SRSF1: variants seen among roughly 807,000 people sequenced by gnomAD.
The protein encoded by SRSF1 is serine and arginine rich splicing factor 1.
A neutral mutation model predicts 25.9 loss-of-function variants in SRSF1; 1 was observed. That is an observed-to-expected ratio of 0.04 (90% confidence interval 0.01 to 0.18). The LOEUF (loss-of-function observed/expected upper bound fraction) is 0.18. SRSF1 is among the 10% of genes least tolerant of loss of function. The pLI is 1.00. For synonymous variants in SRSF1, 132 were observed against 126.2 expected (o/e 1.05, Z -0.31); for missense variants, 65 against 350.5 (o/e 0.19, Z 6.50).
chr17:58,006,209 T>G lies in SRSF1; in HGVS notation c.379+134A>C, dbSNP rs553556972. On this transcript the variant is annotated intron_variant, in intron 2 of 3. Coordinates refer to ENST00000258962, the MANE Select transcript of SRSF1 (RefSeq NM_006924.5). ...TCACCACAGCAGCAATCCTCGTTTA[T>G]TAAATTCACCCAAAAACTAAAGCAA... 17 of 1,207,902 alleles carry G rather than the reference T, an allele frequency of 1.4e-5. No individual in the cohort carries two copies. In the South Asian group the frequency reaches 2.5e-4, roughly 18 times the overall value. The allele number at this position is 1,207,902 out of a possible 1,614,324, so 74.8% of individuals were successfully genotyped here. A position where few individuals can be genotyped will look rare whatever the true frequency, so the allele number is the denominator to read the frequency against.
rs751321031 is a variant in SRSF1, at chr17:58,006,330, C to A, written c.379+13G>T. The A allele has an allele frequency of 1.2e-6, 2 of 1,606,228 alleles. No individual in the cohort carries two copies. Among genetic ancestry groups the A allele is most frequent in the Admixed American group, 1.7e-5 (1 of 59,102 alleles). On this transcript the variant is annotated intron_variant, in intron 2 of 3. Coordinates refer to ENST00000258962, the MANE Select transcript of SRSF1 (RefSeq NM_006924.5). ...CGTCCCTTCACATCAATCCACACAA[C>A]CAGTACACTCACCAGAGACAACCAC...
At chr17:57,995,413 AATAGTAGGGGTCAAAAG>A in the SRSF1 span, among the ~76,000 whole-genome samples, 4 of 152,180 alleles carry the variant, frequency 2.6e-5, no homozygotes, top group Non-Finnish European at 5.9e-5. Flanking sequence ...GGCCAGCCTC[AATAGTAGGGGTCAAAAG>A]AGGGCCAGGG....
chr17:57,990,947 T>A, the SRSF1 span: 2 of 152,226 alleles, frequency 1.3e-5, no homozygotes, highest in African/African-American at 2.4e-5. Flanking sequence ...AATGGTCACC[T>A]GTGGATTTAA....
At position 58,001,932 on chromosome 17, in the gene SRSF1, G is replaced by C. The variant is rs1209621963; in HGVS notation, c.*3474C>G. 1.3e-5 allele frequency among the ~76,000 whole-genome samples: 2 copies of C among 152,142 alleles called. No homozygotes were observed. The highest frequency in any genetic ancestry group is 4.8e-5 in the African/African-American group (2 of 41,422). On this transcript the variant is annotated 3_prime_UTR_variant, in exon 4 of 4. Coordinates refer to ENST00000258962, the MANE Select transcript of SRSF1 (RefSeq NM_006924.5). ...GTTAGAATTACTATAACTTTTAGTA[G>C]AGCACATCTTTCAACTTTAAACACT...
At chr17:58,006,847 G>A (rs1296417504) in intron 1 of SRSF1, 97 bp downstream of exon 1, 17 of 1,432,008 alleles carry the variant, frequency 1.2e-5, no homozygotes, top group East Asian at 2.3e-5. Context: ...ACCTCTCTAA[G>A]AGCCCCCGCT....
rs1369189825 is a variant in SRSF1 at position 58,006,389 on chromosome 17, G to A, written c.333C>T (p.Arg111=). 6.2e-7 allele frequency: 1 copy of A among 1,612,996 alleles called. No homozygotes were observed. The highest frequency in any genetic ancestry group is 8.5e-7 in the Non-Finnish European group (1 of 1,179,984). ...GGGGGGAPRG[R]YGPPSRRSEN... is the part of the protein sequence containing the mutation. ...CAGACCGCCTGGATGGGGGGCCATA[G>A]CGACCTCGGGGAGCTCCGCCACCTC... The change falls in exon 2 of 4, where the codon CGC becomes CGT. Residue 111 remains arginine (R), a synonymous_variant. Transcript: ENST00000258962.
In SRSF1 at chr17:58,005,605, T is replaced by C. The variant is rs777396915; in HGVS notation, c.553-5A>G. On this transcript the variant is annotated splice_region_variant and splice_polypyrimidine_tract_variant and intron_variant, in intron 3 of 3. Coordinates refer to ENST00000258962, the MANE Select transcript of SRSF1 (RefSeq NM_006924.5). The surrounding 1 kb of genome is among the most constrained non-coding windows in gnomAD (Gnocchi z 5.2). ...CCGGATGTAGGCAGTTTCTCCCTAT[T>C]GGATAGACAGAACTTTCCATTGAAA... 3 of 1,613,884 alleles carry C rather than the reference T, an allele frequency of 1.9e-6. No homozygotes were observed. The Admixed American group carries it at 5.0e-5, about 27-fold the overall frequency.
chr17:57,993,670 G>A, the SRSF1 span: 1 of 152,226 alleles, frequency 6.6e-6, no homozygotes, highest in African/African-American at 2.4e-5. Context: ...GATAGATTTT[G>A]ACCTGATGAA....
intron 1 of SRSF1, 102 bp from the exon 2 acceptor site, chr17:58,006,629 A>T: frequency 7.4e-7 from 1 of 1,355,166 alleles, no homozygotes; most frequent in East Asian, 2.5e-5. Flanking sequence ...CCAACGTGGA[A>T]GAGCCCACAT....
chr17:58,006,982 C>T lies in SRSF1; in HGVS notation c.156G>A (p.Gly52=). The T allele has an allele frequency of 1.9e-6, 3 of 1,614,274 alleles. No individual in the cohort carries two copies. The highest frequency in any genetic ancestry group is 2.5e-6 in the Non-Finnish European group (3 of 1,180,056). ...IRDIDLKNRR[G]GPPFAFVEFE... Reference sequence around the variant, plus strand: ...ACTCAACGAAGGCGAAGGGCGGTCCCCCGCGGCGATTCTTGAGGTCGATGT... The same window carrying T: ...ACTCAACGAAGGCGAAGGGCGGTCCTCCGCGGCGATTCTTGAGGTCGATGT... The change falls in exon 1 of 4, where the codon GGG becomes GGA. Residue 52 remains glycine (G), a synonymous_variant. Coordinates refer to ENST00000258962, the MANE Select transcript of SRSF1 (RefSeq NM_006924.5).
chr17:58,001,711 C>T lies in SRSF1; in HGVS notation c.*3695G>A, dbSNP rs1315727414. ...GGTGTAACTTTCTTCTAATAATTGC[C>T]AATACGGATAGAGACCTAAAGGTCC... On this transcript the variant is annotated 3_prime_UTR_variant, in exon 4 of 4. Coordinates refer to ENST00000258962, the MANE Select transcript of SRSF1 (RefSeq NM_006924.5). 6.6e-6 allele frequency among the ~76,000 whole-genome samples: 1 copy of T among 152,116 alleles called. No individual in the cohort carries two copies. Among genetic ancestry groups the T allele is most frequent in the Non-Finnish European group, 1.5e-5 (1 of 68,010 alleles).
At chr17:58,006,037 G>T in intron 2 of SRSF1, 64 bp from the exon 3 acceptor site, 1 of 1,489,524 alleles carries the variant, frequency 6.7e-7, no homozygotes, top group Non-Finnish European at 9.2e-7. Flanking sequence ...AGCTGGTAAG[G>T]TACATTAGGA....
rs1345044692 is a variant in SRSF1 at position 58,004,800 on chromosome 17, C to T, written c.*606G>A. 7.6e-6 allele frequency: 3 copies of T among 395,618 alleles called. No individual in the cohort carries two copies. The highest frequency in any genetic ancestry group is 1.3e-5 in the Non-Finnish European group (3 of 224,574). 24.5% of individuals were successfully genotyped at this position (395,618 alleles called of 1,614,324 possible). On this transcript the variant is annotated 3_prime_UTR_variant, in exon 4 of 4. Coordinates refer to ENST00000258962, the MANE Select transcript of SRSF1 (RefSeq NM_006924.5). ...AAAGCAAAGCAATTGTAGCTAAAGA[C>T]AACTGAATAAAATGTTTGCAAGTGT...
intron 2 of SRSF1, 49 bp downstream of exon 2, chr17:58,006,294 T>C: frequency 1.3e-6 from 2 of 1,542,458 alleles, no homozygotes; most frequent in Middle Eastern, 1.7e-4. Context: ...AGAAAAATTT[T>C]AGGTAGTTTT....
At chr17:58,000,605 C>G (rs1450964865), downstream of SRSF1, among the ~76,000 whole-genome samples, 1 of 152,020 alleles carries the variant, frequency 6.6e-6, no homozygotes, top group African/African-American at 2.4e-5. Flanking sequence ...CTTGTGGCTG[C>G]TTCAGCCTAA....
In SRSF1 at chr17:58,007,210, A is replaced by C. The variant is rs1412370395; in HGVS notation, c.-73T>G. 1.3e-6 allele frequency: 2 copies of C among 1,564,478 alleles called. No homozygotes were observed. Among genetic ancestry groups the C allele is most frequent in the African/African-American group, 1.3e-5 (1 of 74,130 alleles). ...CTAGCGCACGGCAGAGCGAGCCCGC[A>C]GCGGCACCACGTCTCCCGCGGCCCC... On this transcript the variant is annotated 5_prime_UTR_variant, in exon 1 of 4. Coordinates refer to ENST00000258962, the MANE Select transcript of SRSF1 (RefSeq NM_006924.5).
Position 58,003,280 on chromosome 17 carries a change from C to T in SRSF1, c.*2126G>A, listed in dbSNP as rs2075405249. 6.6e-6 allele frequency: 1 copy of T among 152,198 alleles called. No homozygotes were observed. Among genetic ancestry groups the T allele is most frequent in the South Asian group, 2.1e-4 (1 of 4,830 alleles). 9.4% of individuals were successfully genotyped at this position (152,198 alleles called of 1,614,324 possible). A position where few individuals can be genotyped will look rare whatever the true frequency, so the allele number is the denominator to read the frequency against. ...CCACCGTCATTTACCAAGTTACATACACAAATGCCTTATTCTCCCCTTTTG... is the reference window on the plus strand; with the variant it reads ...CCACCGTCATTTACCAAGTTACATATACAAATGCCTTATTCTCCCCTTTTG... On this transcript the variant is annotated 3_prime_UTR_variant, in exon 4 of 4. Coordinates refer to ENST00000258962, the MANE Select transcript of SRSF1 (RefSeq NM_006924.5).
intron 2 of SRSF1, 139 bp downstream of exon 2, chr17:58,006,204 G>GT: frequency 8.6e-7 from 1 of 1,159,770 alleles, no homozygotes; most frequent in Non-Finnish European, 1.2e-6. Context: ...AGCAATCCTC[G>GT]TTTATTAAAT....
the SRSF1 span, chr17:57,993,568 T>C: frequency 5.2e-5 from 8 of 152,402 alleles, no homozygotes; most frequent in African/African-American, 1.9e-4. Flanking sequence ...TGTCCACAAA[T>C]ACTACTTGAA....
Sources: allele counts gnomAD v4.1 joint callset (sites outside exome capture counted in the v4.1 genomes callset), GRCh38; gene constraint gnomAD v4.1.1; non-coding constraint Gnocchi (gnomAD v3.1); transcripts MANE v1.5; gene names NCBI Gene and HGNC (gene_info 2026-07-23, HGNC 2026-07-21).